ADGRG2: variants seen among roughly 807,000 people sequenced by gnomAD.
The protein encoded by ADGRG2 is adhesion G protein-coupled receptor G2.
ADGRG2 carries 26 observed loss-of-function variants against 74.1 expected under a neutral mutation model. The ratio of observed to expected loss-of-function variants is 0.35; its 90% CI spans 0.26 to 0.49. ADGRG2 has a LOEUF of 0.49. Among genes scored for constraint, ADGRG2 ranks in the 20% least tolerant of loss-of-function variants. ADGRG2 has a pLI of 0.99. For synonymous variants in ADGRG2, 296 were observed against 295.2 expected, an observed-to-expected ratio of 1.00 and a Z score of -0.03; for missense variants, 619 against 763.1, an observed-to-expected ratio of 0.81 and a Z score of 2.22.
intron 1 of ADGRG2, among the ~76,000 whole-genome samples, chrX:19,110,978 C>T (rs773890672): frequency 9.0e-6 from 1 of 111,440 alleles, no homozygotes; most frequent in South Asian, 3.8e-4. Flanking sequence ...TACAATCATC[C>T]AAGAAAGAGA....
chrX:19,094,256 G>A (rs1309376579), intron 1 of ADGRG2, among the ~76,000 whole-genome samples: 2 of 110,904 alleles, frequency 1.8e-5, no homozygotes, highest in Non-Finnish European at 3.8e-5. Context: ...ATTACCTAAC[G>A]GCTATAATGT....
chrX:19,045,693 G>A (rs1256642113), intron 3 of ADGRG2, among the ~76,000 whole-genome samples: 3 of 109,963 alleles, frequency 2.7e-5, no homozygotes, highest in Non-Finnish European at 1.9e-5. Context: ...TACCCAGGCC[G>A]TCACTGCCTC....
chrX:19,116,506 CAAAAAAAAAAAAA>C (rs10677696), intron 1 of ADGRG2, among the ~76,000 whole-genome samples: 1 of 24,024 alleles, frequency 4.2e-5, no homozygotes, highest in Non-Finnish European at 8.1e-5. Flanking sequence ...GATTCCGTCT[CAAAAAAAAAAAAA>C]AAAAAAAAAA....
At position 18,990,576 on chromosome X, in the gene ADGRG2, C is replaced by T. The variant is rs2059904970; in HGVS notation, c.*288G>A. The T allele has an allele frequency of 5.7e-6, 1 of 176,066 alleles. No homozygotes were observed. The highest frequency in any genetic ancestry group is 1.0e-5 in the Non-Finnish European group (1 of 95,271). 14.5% of individuals were successfully genotyped at this position (176,066 alleles called of 1,213,427 possible). On this transcript the variant is annotated 3_prime_UTR_variant, in exon 29 of 29. Transcript: ENST00000379869. ...CCTCTTTAAAAGGTAGCTGAAAGTT[C>T]ACTACCTTTTTTTGTTTTCTTTATA...
intron 9 of ADGRG2, among the ~76,000 whole-genome samples, chrX:19,029,832 G>A (rs887723943): frequency 6.3e-5 from 7 of 110,755 alleles, no homozygotes; most frequent in African/African-American, 2.0e-4. Flanking sequence ...TTCGGTGAAC[G>A]GAAGAGTCAG....
At chrX:19,030,142 T>A (rs2060795045) in intron 9 of ADGRG2, among the ~76,000 whole-genome samples, 1 of 112,390 alleles carries the variant, frequency 8.9e-6, no homozygotes, top group African/African-American at 3.2e-5. Context: ...AGGAATGGAA[T>A]AAAGAAAATA....
At chrX:19,081,681 T>C (rs1349730901) in intron 2 of ADGRG2, among the ~76,000 whole-genome samples, 1 of 112,217 alleles carries the variant, frequency 8.9e-6, no homozygotes, top group African/African-American at 3.2e-5. Context: ...TATAATGGGA[T>C]CATTCTAATT....
At chrX:19,102,230 A>G (rs1443296195) in intron 1 of ADGRG2, among the ~76,000 whole-genome samples, 1 of 109,652 alleles carries the variant, frequency 9.1e-6, no homozygotes, top group African/African-American at 3.3e-5. Flanking sequence ...TCCCTCTTTA[A>G]AAGGCAATGT....
intron 2 of ADGRG2, among the ~76,000 whole-genome samples, chrX:19,070,716 T>C (rs2061640464): frequency 8.9e-6 from 1 of 112,211 alleles, no homozygotes; most frequent in African/African-American, 3.2e-5. Flanking sequence ...CAGCCACCAC[T>C]TGCAGCTTCT....
In ADGRG2 at chrX:19,010,586, C is replaced by A. The variant is rs1162788637; in HGVS notation, c.1265+27G>T. 3 of 1,174,623 alleles carry A rather than the reference C, an allele frequency of 2.6e-6. No individual in the cohort carries two copies. In the African/African-American group the frequency reaches 5.3e-5, roughly 21 times the overall value. On this transcript the variant is annotated intron_variant, in intron 17 of 28. Coordinates refer to ENST00000379869, the MANE Select transcript of ADGRG2 (RefSeq NM_001079858.3). ...TTTATCTTTGGAGGGTCCCCTCTTA[C>A]CACCACTTCAGTTTGCGAAGTCGTA...
intron 1 of ADGRG2, among the ~76,000 whole-genome samples, chrX:19,101,700 CAA>C (rs199707012): frequency 2.1e-5 from 2 of 96,865 alleles, no homozygotes; most frequent in Non-Finnish European, 4.2e-5. Flanking sequence ...GACGCAATCT[CAA>C]AAAAAAAAAG....
intron 3 of ADGRG2, among the ~76,000 whole-genome samples, chrX:19,055,820 G>A (rs1324823431): frequency 1.9e-5 from 2 of 106,224 alleles, no homozygotes; most frequent in East Asian, 3.0e-4. Context: ...TGCAACCTCC[G>A]CCTCCCAGGT....
At chrX:18,993,261 TAGTTG>T (rs768966869) in intron 28 of ADGRG2, among the ~76,000 whole-genome samples, 70 of 111,654 alleles carry the variant, frequency 6.3e-4, no homozygotes, top group Middle Eastern at 4.6e-3. Flanking sequence ...CTACTGGCTC[TAGTTG>T]ATAGAGTCCA....
intron 2 of ADGRG2, among the ~76,000 whole-genome samples, chrX:19,082,211 G>C (rs1264284096): frequency 1.8e-5 from 2 of 111,217 alleles, no homozygotes; most frequent in Non-Finnish European, 3.8e-5. Flanking sequence ...CTGGTTGGAA[G>C]GATCCTTTGA....
At chrX:19,115,685 G>A (rs1209788640) in intron 1 of ADGRG2, among the ~76,000 whole-genome samples, 2 of 111,440 alleles carry the variant, frequency 1.8e-5, no homozygotes, top group African/African-American at 3.3e-5. Flanking sequence ...GAGGCGGCGC[G>A]GTGGCTCCCG....
At chrX:19,117,549 G>A (rs1416988274) in intron 1 of ADGRG2, among the ~76,000 whole-genome samples, 1 of 110,810 alleles carries the variant, frequency 9.0e-6, no homozygotes. Context: ...AGGCGCAGTG[G>A]CTCATGCCTG....
At chrX:19,014,157 G>T in intron 15 of ADGRG2, 83 bp from the exon 16 acceptor site, 1 of 770,875 alleles carries the variant, frequency 1.3e-6, no homozygotes. Context: ...GCAATCATCT[G>T]ACACCGTCAA....
chrX:19,121,943 C>T (rs1467950732), intron 1 of ADGRG2, among the ~76,000 whole-genome samples: 1 of 111,795 alleles, frequency 8.9e-6, no homozygotes, highest in Non-Finnish European at 1.9e-5. Flanking sequence ...CCTCGGTGCC[C>T]GGGGCCACCT....
chrX:19,017,544 T>C (rs761913963), intron 15 of ADGRG2, among the ~76,000 whole-genome samples: 2 of 112,236 alleles, frequency 1.8e-5, no homozygotes, highest in East Asian at 5.6e-4. Flanking sequence ...CCAGAAACTC[T>C]ATCCCCAAAA....
Sources: allele counts gnomAD v4.1 joint callset (sites outside exome capture counted in the v4.1 genomes callset), GRCh38; gene constraint gnomAD v4.1.1; transcripts MANE v1.5; gene names NCBI Gene and HGNC (gene_info 2026-07-23, HGNC 2026-07-21).